CSMD1: variants seen among roughly 807,000 people sequenced by gnomAD.
CSMD1 encodes the protein CUB and sushi domain-containing protein 1.
Under a neutral mutation model 417.5 loss-of-function variants are expected in CSMD1, and 213 were observed. The ratio of observed to expected loss-of-function variants is 0.51; its 90% CI spans 0.46 to 0.57. CSMD1 has a LOEUF of 0.57. CSMD1 is among the 20% of genes least tolerant of loss of function. CSMD1 has a pLI of 0.00. For synonymous variants in CSMD1, 2,862 were observed against 1,736.8 expected (o/e 1.65, Z -16.11); for missense variants, 6,923 against 4,529.7 (o/e 1.53, Z -15.17).
chr8:4,346,691 T>A (rs114314803), intron 3 of CSMD1, among the ~76,000 whole-genome samples: 1 of 152,258 alleles, frequency 6.6e-6, no homozygotes, highest in Non-Finnish European at 1.5e-5. Context: ...CTCGTATGAG[T>A]GCTAGTCAGA....
At chr8:3,402,820 A>G (rs1812120506) in intron 15 of CSMD1, among the ~76,000 whole-genome samples, 1 of 151,958 alleles carries the variant, frequency 6.6e-6, no homozygotes, top group Non-Finnish European at 1.5e-5. Flanking sequence ...ATAGGATCCT[A>G]ATTTATTTTT....
intron 7 of CSMD1, among the ~76,000 whole-genome samples, chr8:3,669,142 G>T (rs919111831): frequency 6.6e-6 from 1 of 152,174 alleles, no homozygotes. Context: ...AGGGCAGAAT[G>T]GTTAAAACAA....
intron 1 of CSMD1, among the ~76,000 whole-genome samples, chr8:4,910,973 A>G (rs1036400422): frequency 1.3e-5 from 2 of 152,044 alleles, no homozygotes; most frequent in African/African-American, 4.8e-5. Context: ...GCCTCAGGAG[A>G]CCTGATGGTT....
rs188490285 is a variant in CSMD1 at position 4,193,149 on chromosome 8, T to A, written c.416-161050A>T. ...TTTCAGGAAAGACATCTGTAAAAGA[T>A]AAGTTGCCCAGTACCATGCATTTAA... On this transcript the variant is annotated intron_variant, in intron 3 of 69. Transcript: ENST00000635120. Among the ~76,000 whole-genome samples the A allele has an allele frequency of 2.9e-3, 437 of 152,328 alleles. 2 individuals carry two copies. The highest frequency in any genetic ancestry group is 1.0e-2 in the African/African-American group (415 of 41,572).
chr8:4,306,016 G>T (rs376281796), intron 3 of CSMD1, among the ~76,000 whole-genome samples: 3 of 152,012 alleles, frequency 2.0e-5, no homozygotes, highest in African/African-American at 4.8e-5. Flanking sequence ...TATTATACTC[G>T]GTGCATTTGC....
intron 1 of CSMD1, among the ~76,000 whole-genome samples, chr8:4,694,240 A>G (rs568471705): frequency 2.0e-5 from 3 of 152,236 alleles, no homozygotes; most frequent in Non-Finnish European, 4.4e-5. Flanking sequence ...TCAGAAACTC[A>G]AAAGAATGTA....
chr8:3,046,252 GGTGCAGAAGTGAAGCCAC>G, intron 50 of CSMD1, among the ~76,000 whole-genome samples: 1 of 152,258 alleles, frequency 6.6e-6, no homozygotes, highest in African/African-American at 2.4e-5. Context: ...TGACCTGGGT[GGTGCAGAAGTGAAGCCAC>G]GTGGACGCAT....
At chr8:2,976,451 TC>T (rs1804937403) in intron 55 of CSMD1, among the ~76,000 whole-genome samples, 1 of 152,156 alleles carries the variant, frequency 6.6e-6, no homozygotes, top group Admixed American at 6.5e-5. Flanking sequence ...ACTCAAGTGA[TC>T]CTGCCACCTC....
At chr8:3,452,867 G>A (rs1057166111) in intron 12 of CSMD1, among the ~76,000 whole-genome samples, 5 of 152,130 alleles carry the variant, frequency 3.3e-5, no homozygotes, top group African/African-American at 1.2e-4. Context: ...TTTTTCTATT[G>A]ATTGGAATAG....
intron 5 of CSMD1, among the ~76,000 whole-genome samples, chr8:3,820,283 G>A (rs755199986): frequency 1.3e-5 from 2 of 152,146 alleles, no homozygotes; most frequent in Admixed American, 6.5e-5. Context: ...AATATGTGTA[G>A]GATATGTGAG....
In CSMD1 at chr8:3,399,533, A is replaced by T; in HGVS notation, c.2267-4T>A. 1 of 1,581,546 alleles carries T rather than the reference A, an allele frequency of 6.3e-7. No individual in the cohort carries two copies. The highest frequency in any genetic ancestry group is 8.6e-7 in the Non-Finnish European group (1 of 1,166,602). On this transcript the variant is annotated splice_polypyrimidine_tract_variant and splice_region_variant and intron_variant, in intron 15 of 69. Transcript: ENST00000635120. ...GTCAGATGTCCACCACATGGAGCTA[A>T]AACAAGACGTAGAATATCTATTAGA... is the stretch of plus-strand genomic sequence containing the variant.
chr8:3,036,912 C>G (rs1810717515), intron 50 of CSMD1, among the ~76,000 whole-genome samples: 1 of 152,134 alleles, frequency 6.6e-6, no homozygotes, highest in South Asian at 2.1e-4. Context: ...TTTCAGTGCA[C>G]CTGTCATCCA....
intron 5 of CSMD1, among the ~76,000 whole-genome samples, chr8:3,828,367 A>G (rs1802174836): frequency 6.6e-6 from 1 of 152,206 alleles, no homozygotes; most frequent in Admixed American, 6.5e-5. Flanking sequence ...GGATTTTCAT[A>G]GAATATTTAG....
At chr8:3,922,785 C>A (rs139745152) in intron 5 of CSMD1, among the ~76,000 whole-genome samples, 1 of 151,988 alleles carries the variant, frequency 6.6e-6, no homozygotes, top group Non-Finnish European at 1.5e-5. Flanking sequence ...TTTGTCTGTA[C>A]TTTTAAAACT....
In CSMD1 at chr8:4,877,221, G is replaced by A. The variant is rs537640164; in HGVS notation, c.85+117111C>T. The stretch of plus-strand genomic sequence containing the variant: ...GTATGCAATGTAGCTGAATAAAACA[G>A]GAGCATAAATCTAAACAGATGTACA... On this transcript the variant is annotated intron_variant, in intron 1 of 69. Transcript: ENST00000635120. Among the ~76,000 whole-genome samples, 8 of 152,060 alleles carry A rather than the reference G, an allele frequency of 5.3e-5. No individual in the cohort carries two copies. The South Asian group carries it at 8.3e-4, about 16-fold the overall frequency.
rs1193057886 is a variant in CSMD1, at chr8:4,927,166, G to A, written c.85+67166C>T. Among the ~76,000 whole-genome samples, 4 of 150,980 alleles carry A rather than the reference G, an allele frequency of 2.6e-5. No homozygotes were observed. In the East Asian group the frequency reaches 5.8e-4, roughly 22 times the overall value. On this transcript the variant is annotated intron_variant, in intron 1 of 69. Coordinates refer to ENST00000635120, the MANE Select transcript of CSMD1 (RefSeq NM_033225.6). ...TGTTGCACCAGGCTGGAGTGCAATG[G>A]CACAATCTCAGCTCAGGGCAATCTC...
intron 12 of CSMD1, among the ~76,000 whole-genome samples, chr8:3,410,634 C>A (rs1457473155): frequency 6.6e-6 from 1 of 152,196 alleles, no homozygotes; most frequent in East Asian, 1.9e-4. Flanking sequence ...ACTGTAAGTC[C>A]ATTAAACCTT....
intron 2 of CSMD1, among the ~76,000 whole-genome samples, chr8:4,462,643 G>T (rs112059323): frequency 7.2e-5 from 11 of 152,152 alleles, no homozygotes; most frequent in African/African-American, 1.2e-4. Flanking sequence ...TAGACACATG[G>T]ATTAATGAAA....
chr8:4,025,020 C>T (rs1301466763), intron 4 of CSMD1, among the ~76,000 whole-genome samples: 1 of 152,200 alleles, frequency 6.6e-6, no homozygotes, highest in Non-Finnish European at 1.5e-5. Context: ...TTGGTGATTA[C>T]ATAGGTAGAA....
Sources: gnomAD v4.1 joint callset for allele counts (sites outside exome capture counted in the v4.1 genomes callset) on GRCh38, gnomAD v4.1.1 for gene constraint, MANE v1.5 for transcripts, NCBI Gene and HGNC (gene_info 2026-07-23, HGNC 2026-07-21) for gene names.